CNTNAP2: variants seen among roughly 807,000 people sequenced by gnomAD.
The protein encoded by CNTNAP2 is contactin-associated protein-like 2.
CNTNAP2 carries 98 observed loss-of-function variants against 155.2 expected under a neutral mutation model. The ratio of observed to expected loss-of-function variants is 0.63; its 90% CI spans 0.54 to 0.75. The LOEUF is 0.75. CNTNAP2 is among the 30% of genes least tolerant of loss of function. The probability of loss-of-function intolerance (pLI) is 0.00; values close to 1 mark genes in which losing one functional copy is unlikely to be tolerated. For synonymous variants in CNTNAP2, 651 were observed against 631.2 expected, an observed-to-expected ratio of 1.03 and a Z score of -0.47; for missense variants, 1,727 against 1,688.1, an observed-to-expected ratio of 1.02 and a Z score of -0.40.
intron 3 of CNTNAP2, among the ~76,000 whole-genome samples, chr7:146,905,462 G>T (rs1178549734): frequency 1.3e-5 from 2 of 151,934 alleles, no homozygotes; most frequent in African/African-American, 4.8e-5. Context: ...ATCCTCTTAC[G>T]AGTTGGTTCC....
intron 3 of CNTNAP2, among the ~76,000 whole-genome samples, chr7:146,973,290 AG>A (rs1797841213): frequency 6.6e-6 from 1 of 152,112 alleles, no homozygotes; most frequent in African/African-American, 2.4e-5. Flanking sequence ...AGCCTCCCAA[AG>A]TGCTGAGATT....
rs116966022 is a variant in CNTNAP2 at position 147,383,613 on chromosome 7, C to A, written c.1499-11996C>A. Among the ~76,000 whole-genome samples, 1,087 of 152,042 alleles carry A rather than the reference C, an allele frequency of 7.1e-3. 9 individuals carry two copies. Among genetic ancestry groups the A allele is most frequent in the East Asian group, 0.045 (231 of 5,144 alleles). ...GGGAGGGGAACACCACGCACCGGGG[C>A]CTGTCGGGGTGGGGAGCAAGGGGAG... On this transcript the variant is annotated intron_variant, in intron 9 of 23. Transcript: ENST00000361727.
At chr7:146,292,053 T>C (rs1013423986) in intron 1 of CNTNAP2, among the ~76,000 whole-genome samples, 1 of 152,132 alleles carries the variant, frequency 6.6e-6, no homozygotes, top group Non-Finnish European at 1.5e-5. Flanking sequence ...AATAATTTGA[T>C]TAGAAAATGG....
chr7:146,277,761 C>T (rs1800186758), intron 1 of CNTNAP2, among the ~76,000 whole-genome samples: 1 of 152,074 alleles, frequency 6.6e-6, no homozygotes, highest in Admixed American at 6.6e-5. Flanking sequence ...GTCCAGCATG[C>T]CAATGAACTA....
intron 1 of CNTNAP2, among the ~76,000 whole-genome samples, chr7:146,696,644 T>A (rs1468507146): frequency 6.6e-6 from 1 of 152,156 alleles, no homozygotes; most frequent in East Asian, 1.9e-4. Context: ...TCTTTTCTAA[T>A]ACATGCATTC....
chr7:147,660,112 G>A (rs563581656), intron 13 of CNTNAP2, among the ~76,000 whole-genome samples: 1 of 152,320 alleles, frequency 6.6e-6, no homozygotes, highest in South Asian at 2.1e-4. Context: ...GGTGATGTGA[G>A]TTATGCCATT....
At chr7:148,247,647 A>ATTTTTTTT (rs1361087053) in intron 20 of CNTNAP2, among the ~76,000 whole-genome samples, 14 of 125,760 alleles carry the variant, frequency 1.1e-4, no homozygotes, top group African/African-American at 4.2e-4. Context: ...TTATTTATTT[A>ATTTTTTTT]TTTATTTATT....
At chr7:147,708,476 G>T (rs1328418411) in intron 13 of CNTNAP2, among the ~76,000 whole-genome samples, 2 of 152,162 alleles carry the variant, frequency 1.3e-5, no homozygotes, top group Admixed American at 6.5e-5. Context: ...TTTCAATATG[G>T]TGACTTGCTG....
chr7:146,546,888 C>G (rs936418075), intron 1 of CNTNAP2, among the ~76,000 whole-genome samples: 1 of 151,906 alleles, frequency 6.6e-6, no homozygotes, highest in Non-Finnish European at 1.5e-5. Context: ...TGGGTCCCTC[C>G]CATGATTATG....
At chr7:147,649,227 T>C (rs1434928083) in intron 13 of CNTNAP2, among the ~76,000 whole-genome samples, 3 of 152,122 alleles carry the variant, frequency 2.0e-5, no homozygotes, top group African/African-American at 7.2e-5. Flanking sequence ...ATAACAAATA[T>C]AAGGATGAAA....
intron 9 of CNTNAP2, among the ~76,000 whole-genome samples, chr7:147,339,207 A>G (rs1334530374): frequency 6.6e-6 from 1 of 151,772 alleles, no homozygotes; most frequent in Admixed American, 6.6e-5. Flanking sequence ...AAAAAAAATG[A>G]TATTAAAATT....
At chr7:148,061,969 AG>A (rs1803155508) in intron 15 of CNTNAP2, among the ~76,000 whole-genome samples, 1 of 128,428 alleles carries the variant, frequency 7.8e-6, no homozygotes, top group African/African-American at 3.6e-5. Flanking sequence ...ATAGATAGAT[AG>A]ATAGATAGAT....
At chr7:146,340,287 T>TTG (rs1491103167) in intron 1 of CNTNAP2, among the ~76,000 whole-genome samples, 32 of 103,018 alleles carry the variant, frequency 3.1e-4, no homozygotes, top group African/African-American at 1.5e-3. Context: ...GTTGTTGTTG[T>TTG]TTTTTTTTTT....
At chr7:146,762,554 G>A (rs369410168) in intron 1 of CNTNAP2, among the ~76,000 whole-genome samples, 34 of 152,244 alleles carry the variant, frequency 2.2e-4, no homozygotes, top group South Asian at 6.2e-4. Flanking sequence ...AGCTGAGATC[G>A]TGCCAGTACA....
chr7:147,562,393 A>G, intron 12 of CNTNAP2, 136 bp downstream of exon 12: 1 of 1,122,264 alleles, frequency 8.9e-7, no homozygotes, highest in South Asian at 1.3e-5. Flanking sequence ...TGGATTTGTT[A>G]GATAAGATGA....
At chr7:146,190,308 T>C (rs533798096) in intron 1 of CNTNAP2, among the ~76,000 whole-genome samples, 2 of 152,278 alleles carry the variant, frequency 1.3e-5, no homozygotes, top group East Asian at 1.9e-4. Flanking sequence ...TATTCTTCTA[T>C]GCAGGAACCA....
At chr7:146,508,744 G>A (rs376641782) in intron 1 of CNTNAP2, among the ~76,000 whole-genome samples, 7 of 152,290 alleles carry the variant, frequency 4.6e-5, no homozygotes, top group African/African-American at 7.2e-5. Flanking sequence ...GCATCATCCC[G>A]CCCGCTGTTG....
chr7:146,706,945 C>T (rs1800976371), intron 1 of CNTNAP2, among the ~76,000 whole-genome samples: 1 of 150,960 alleles, frequency 6.6e-6, no homozygotes, highest in Admixed American at 6.6e-5. Flanking sequence ...GATTCAAAGG[C>T]ACTGGACTCT....
chr7:147,943,807 G>C lies in CNTNAP2; in HGVS notation c.2256-34055G>C, dbSNP rs574306715. ...AAAAAAAAAAAAAAAAAGCCTCTAA[G>C]TTTGGTTCATCTGAAAATTTCATGA... On this transcript the variant is annotated intron_variant, in intron 14 of 23. Coordinates refer to ENST00000361727, the MANE Select transcript of CNTNAP2 (RefSeq NM_014141.6). Among the ~76,000 whole-genome samples the C allele has an allele frequency of 1.6e-3, 191 of 120,510 alleles. 2 individuals carry two copies. Among genetic ancestry groups the C allele is most frequent in the African/African-American group, 5.7e-3 (180 of 31,760 alleles). The allele number at this position is 120,510 out of a possible 152,430, so 79.1% of individuals were successfully genotyped here. A position where few individuals can be genotyped will look rare whatever the true frequency, so the allele number is the denominator to read the frequency against.
Sources: allele counts gnomAD v4.1 joint callset (sites outside exome capture counted in the v4.1 genomes callset), GRCh38; gene constraint gnomAD v4.1.1; transcripts MANE v1.5; gene names NCBI Gene and HGNC (gene_info 2026-07-23, HGNC 2026-07-21).